HPS5: variants seen among roughly 807,000 people sequenced by gnomAD.
The protein encoded by HPS5 is HPS5 biogenesis of lysosomal organelles complex 2 subunit 2, also known as BLOC-2 complex member HPS5.
A neutral mutation model predicts 128.0 loss-of-function variants in HPS5; 83 were observed. That is an observed-to-expected ratio of 0.65 (90% CI 0.54 to 0.78). The LOEUF is 0.78. HPS5 is among the 30% of genes least tolerant of loss of function. The pLI, the probability that HPS5 is intolerant of heterozygous loss-of-function variation, is 0.00. For missense variants in HPS5, 1,281 were observed against 1,326.2 expected, an observed-to-expected ratio of 0.97 and a Z score of 0.53; for synonymous variants, 475 against 470.2, an observed-to-expected ratio of 1.01 and a Z score of -0.13.
At chr11:18,295,548 T>C (rs1348785893) in intron 13 of HPS5, among the ~76,000 whole-genome samples, 1 of 152,226 alleles carries the variant, frequency 6.6e-6, no homozygotes, top group Non-Finnish European at 1.5e-5. Context: ...TATACCCTTC[T>C]TAAGCAAAAT....
Position 18,279,862 on chromosome 11 carries a change from T to A in HPS5, c.*20A>T. 6.2e-7 allele frequency: 1 copy of A among 1,610,226 alleles called. No individual in the cohort carries two copies. The highest frequency in any genetic ancestry group is 8.5e-7 in the Non-Finnish European group (1 of 1,176,430). On this transcript the variant is annotated 3_prime_UTR_variant, in exon 23 of 23. Coordinates refer to ENST00000349215, the MANE Select transcript of HPS5 (RefSeq NM_181507.2). ...TAGTTTTTCTCAAAATGTCATGACA[T>A]CCTGCTGAATCTTCTCCCACTAGGC...
rs932381652 is a variant in HPS5, at chr11:18,298,790, A to C, written c.1164+2T>G. The C allele has an allele frequency of 6.2e-7, 1 of 1,613,966 alleles. No homozygotes were observed. The highest frequency in any genetic ancestry group is 8.5e-7 in the Non-Finnish European group (1 of 1,179,874). ...AAGATGTCTAGGTAAGCTCTGACTC[A>C]CTCTGCTGGCAATGACAGAATTTTG... is the stretch of plus-strand genomic sequence containing the variant. On this transcript the variant is annotated splice_donor_variant, in intron 10 of 22. Transcript: ENST00000349215. LOFTEE classifies it high-confidence loss of function.
chr11:18,286,495 T>A, intron 19 of HPS5, 96 bp downstream of exon 19: 1 of 1,261,006 alleles, frequency 7.9e-7, no homozygotes, highest in Non-Finnish European at 1.1e-6. Flanking sequence ...GAAGCCATGA[T>A]CTTAGCACCA....
intron 16 of HPS5, among the ~76,000 whole-genome samples, chr11:18,289,519 T>C (rs1860143717): frequency 6.6e-6 from 1 of 152,102 alleles, no homozygotes; most frequent in African/African-American, 2.4e-5. Context: ...ACATTTGAAC[T>C]TACCTGAGGA....
At chr11:18,288,763 G>A (rs1860041659) in intron 16 of HPS5, among the ~76,000 whole-genome samples, 2 of 122,440 alleles carry the variant, frequency 1.6e-5, no homozygotes, top group Admixed American at 8.3e-5. Flanking sequence ...TGTGTGCAGC[G>A]ACGGGGTCTT....
intron 16 of HPS5, among the ~76,000 whole-genome samples, chr11:18,290,328 A>G (rs957627823): frequency 6.6e-6 from 1 of 152,216 alleles, no homozygotes; most frequent in Non-Finnish European, 1.5e-5. Flanking sequence ...TCATTATCAG[A>G]TATTTATTAC....
rs3741197 is a variant in HPS5, at chr11:18,286,555, A to G, written c.2837+36T>C. The G allele has an allele frequency of 8.2e-5, 131 of 1,605,076 alleles. 1 individual carries two copies. In the East Asian group the frequency reaches 2.3e-3, roughly 28 times the overall value. On this transcript the variant is annotated intron_variant, in intron 19 of 22. Coordinates refer to ENST00000349215, the MANE Select transcript of HPS5 (RefSeq NM_181507.2). ...AGATCCTGTCTCAAAAAAAAAAAGT[A>G]AAGAAAAAAACAAAGAAAGAGGACT...
At chr11:18,290,668 T>C (rs1860287549) in intron 16 of HPS5, among the ~76,000 whole-genome samples, 1 of 152,206 alleles carries the variant, frequency 6.6e-6, no homozygotes, top group Non-Finnish European at 1.5e-5. Context: ...ACACCTATAA[T>C]CCCAGCATTT....
chr11:18,304,254 T>C (rs1262867205), intron 8 of HPS5, among the ~76,000 whole-genome samples: 1 of 151,544 alleles, frequency 6.6e-6, no homozygotes, highest in Non-Finnish European at 1.5e-5. Flanking sequence ...TCTTGCTCTG[T>C]GGCCCAGGCT....
rs1858514266 is a variant in HPS5, at chr11:18,278,698, T to C, written c.*1184A>G. 6.6e-6 allele frequency: 1 copy of C among 152,268 alleles called. No homozygotes were observed. Among genetic ancestry groups the C allele is most frequent in the South Asian group, 2.1e-4 (1 of 4,834 alleles). 9.4% of individuals were successfully genotyped at this position (152,268 alleles called of 1,614,324 possible). ...TTGTTCAGTGCATCCAACACTTTAC[T>C]TACTCCACACCTTTCTGCAAAATGC... On this transcript the variant is annotated 3_prime_UTR_variant, in exon 23 of 23. Coordinates refer to ENST00000349215, the MANE Select transcript of HPS5 (RefSeq NM_181507.2).
rs1859028498 is a variant in HPS5, at chr11:18,281,946, T to C, written c.3329+4A>G. On this transcript the variant is annotated splice_donor_region_variant and intron_variant, in intron 22 of 22. Coordinates refer to ENST00000349215, the MANE Select transcript of HPS5 (RefSeq NM_181507.2). The stretch of plus-strand genomic sequence containing the variant: ...ATGCAGAGGGTAGGACAAACTGATA[T>C]TACCTCTGCCTTTTCTCAGCAATCC... 1 of 1,614,198 alleles carries C rather than the reference T, an allele frequency of 6.2e-7. No individual in the cohort carries two copies. Among genetic ancestry groups the C allele is most frequent in the Non-Finnish European group, 8.5e-7 (1 of 1,180,048 alleles).
rs1859908045 is a variant in HPS5 at position 18,287,669 on chromosome 11, C to T, written c.2583G>A (p.Glu861=). 1 of 1,614,170 alleles carries T rather than the reference C, an allele frequency of 6.2e-7. No homozygotes were observed. The highest frequency in any genetic ancestry group is 8.5e-7 in the Non-Finnish European group (1 of 1,180,022). ...ACTTGATTAAGGATCGAAGAGCAGA[C>T]TCCCCAAACTTTTCATACAACCTGC... is the stretch of plus-strand genomic sequence containing the variant. ...YATRLYEKFG[E]SALRSLIKFF... is the part of the protein sequence containing the mutation. Residue 861 remains glutamate (E), a synonymous_variant, in exon 18 of 23, where the codon GAG becomes GAA. Transcript: ENST00000349215.
intron 8 of HPS5, among the ~76,000 whole-genome samples, chr11:18,302,686 A>G (rs1861835621): frequency 6.6e-6 from 1 of 152,002 alleles, no homozygotes; most frequent in African/African-American, 2.4e-5. Context: ...AGTGTTAAAC[A>G]TTTTGTCAAT....
chr11:18,301,772 A>G (rs2134385144), intron 8 of HPS5, among the ~76,000 whole-genome samples: 2 of 152,286 alleles, frequency 1.3e-5, no homozygotes, highest in Admixed American at 1.3e-4. Flanking sequence ...CAGTCAAGGT[A>G]GATATACTAT....
At chr11:18,298,577 T>G (rs1005449438) in intron 10 of HPS5, among the ~76,000 whole-genome samples, 1 of 152,222 alleles carries the variant, frequency 6.6e-6, no homozygotes, top group Admixed American at 6.5e-5. Context: ...CAAATTTGTA[T>G]GTAAATTTGA....
chr11:18,315,171 T>C (rs560960757), intron 2 of HPS5, among the ~76,000 whole-genome samples: 1 of 152,324 alleles, frequency 6.6e-6, no homozygotes, highest in South Asian at 2.1e-4. Flanking sequence ...CAGCAACCAA[T>C]ACCCCAAAAT....
At chr11:18,319,828 T>C (rs556948986) in intron 1 of HPS5, among the ~76,000 whole-genome samples, 4 of 152,180 alleles carry the variant, frequency 2.6e-5, no homozygotes, top group African/African-American at 7.2e-5. Context: ...GACGTTATTA[T>C]TGGGGAGACT....
At chr11:18,317,948 A>G in intron 1 of HPS5, 41 bp from the exon 2 acceptor site, 1 of 1,423,724 alleles carries the variant, frequency 7.0e-7, no homozygotes, top group Non-Finnish European at 9.7e-7. Context: ...GAAGCCCACC[A>G]TTCATTTAAC....
At chr11:18,313,293 A>G (rs1863216928) in intron 2 of HPS5, among the ~76,000 whole-genome samples, 2 of 152,102 alleles carry the variant, frequency 1.3e-5, no homozygotes, top group African/African-American at 2.4e-5. Context: ...TGAATATGAG[A>G]TATCAGTCAT....
Sources: gnomAD v4.1 joint callset for allele counts (sites outside exome capture counted in the v4.1 genomes callset) on GRCh38, gnomAD v4.1.1 for gene constraint, MANE v1.5 for transcripts, NCBI Gene and HGNC (gene_info 2026-07-23, HGNC 2026-07-21) for gene names.